Variants in CDKAL1 observed in about 807,000 individuals in gnomAD.
The protein encoded by CDKAL1 is CDKAL1 threonylcarbamoyladenosine tRNA methylthiotransferase.
A neutral mutation model predicts 68.2 loss-of-function variants in CDKAL1; 32 were observed. The ratio of observed to expected loss-of-function variants is 0.47; its 90% CI spans 0.35 to 0.63. The LOEUF is 0.63. CDKAL1 is among the 30% of genes least tolerant of loss of function. CDKAL1 has a pLI of 0.00. For synonymous variants in CDKAL1, 234 were observed against 244.3 expected, an observed-to-expected ratio of 0.96 and a Z score of 0.39; for missense variants, 606 against 696.7, an observed-to-expected ratio of 0.87 and a Z score of 1.47.
chr6:21,047,809 C>G (rs1216066996), intron 11 of CDKAL1, among the ~76,000 whole-genome samples: 1 of 152,166 alleles, frequency 6.6e-6, no homozygotes, highest in Non-Finnish European at 1.5e-5. Context: ...AAAATTTCAT[C>G]AGAGAGGTGG....
At chr6:20,802,189 T>C (rs1221127204) in intron 8 of CDKAL1, among the ~76,000 whole-genome samples, 1 of 151,738 alleles carries the variant, frequency 6.6e-6, no homozygotes, top group Non-Finnish European at 1.5e-5. Flanking sequence ...TCCCAGCTAC[T>C]CGGGAGGCTG....
At chr6:21,117,075 C>T (rs1228711459) in intron 13 of CDKAL1, among the ~76,000 whole-genome samples, 3 of 152,064 alleles carry the variant, frequency 2.0e-5, no homozygotes, top group Non-Finnish European at 2.9e-5. Context: ...TCTCTCTTGA[C>T]GATGTCAGAG....
At chr6:20,820,330 C>A (rs146091258) in intron 8 of CDKAL1, among the ~76,000 whole-genome samples, 12 of 152,284 alleles carry the variant, frequency 7.9e-5, no homozygotes, top group African/African-American at 2.9e-4. Context: ...ACTTAATGAA[C>A]ACCTATACTG....
intron 4 of CDKAL1, among the ~76,000 whole-genome samples, chr6:20,584,118 G>A (rs1045996523): frequency 2.0e-5 from 3 of 151,136 alleles, no homozygotes; most frequent in African/African-American, 7.3e-5. Flanking sequence ...TTACTCTTAG[G>A]AAGGGGCTTA....
intron 7 of CDKAL1, among the ~76,000 whole-genome samples, chr6:20,772,312 C>A (rs1266202746): frequency 6.6e-6 from 1 of 152,060 alleles, no homozygotes; most frequent in Non-Finnish European, 1.5e-5. Flanking sequence ...CAGCTAATGA[C>A]CTGAAGAGTT....
chr6:20,597,952 T>C (rs975033125), intron 4 of CDKAL1, among the ~76,000 whole-genome samples: 1 of 152,202 alleles, frequency 6.6e-6, no homozygotes, highest in Admixed American at 6.5e-5. Context: ...TGGTGATCAT[T>C]AAGTTTCCAC....
intron 4 of CDKAL1, among the ~76,000 whole-genome samples, chr6:20,591,186 C>T (rs1765576786): frequency 6.6e-6 from 1 of 152,086 alleles, no homozygotes; most frequent in Admixed American, 6.5e-5. Context: ...TATTCTTCGC[C>T]CACTTTTTGA....
intron 3 of CDKAL1, among the ~76,000 whole-genome samples, chr6:20,546,762 C>T (rs1358804881): frequency 6.6e-6 from 1 of 152,076 alleles, no homozygotes; most frequent in East Asian, 1.9e-4. Flanking sequence ...CCATGTTGGC[C>T]AGGCTGGTCT....
intron 9 of CDKAL1, among the ~76,000 whole-genome samples, chr6:20,939,422 A>G (rs1763872180): frequency 6.6e-6 from 1 of 152,238 alleles, no homozygotes; most frequent in African/African-American, 2.4e-5. Flanking sequence ...TACAGAATGA[A>G]AATGTATTTC....
chr6:20,599,475 TACTC>T (rs1481332678), intron 4 of CDKAL1: 5 of 365,566 alleles, frequency 1.4e-5, no homozygotes, highest in African/African-American at 8.3e-5. Context: ...TATGCAAACT[TACTC>T]ATTCATGCAA....
intron 4 of CDKAL1, among the ~76,000 whole-genome samples, chr6:20,550,991 G>T (rs1009637968): frequency 1.3e-5 from 2 of 148,870 alleles, no homozygotes; most frequent in Non-Finnish European, 3.0e-5. Context: ...TCAGCCTCCC[G>T]AGTAGCTGGG....
intron 4 of CDKAL1, among the ~76,000 whole-genome samples, chr6:20,555,434 C>G (rs150886583): frequency 0.017 from 2,624 of 152,088 alleles, 82 homozygotes; most frequent in African/African-American, 0.06. Flanking sequence ...AATTCTCCTG[C>G]CTCAGCCTCC....
chr6:20,951,844 TA>T (rs554335313), intron 9 of CDKAL1, among the ~76,000 whole-genome samples: 1 of 152,286 alleles, frequency 6.6e-6, no homozygotes, highest in Admixed American at 6.5e-5. Flanking sequence ...CCTACTTTCC[TA>T]CCCCACCACT....
chr6:21,026,218 A>G (rs987965266), intron 11 of CDKAL1, among the ~76,000 whole-genome samples: 1 of 152,150 alleles, frequency 6.6e-6, no homozygotes, highest in Admixed American at 6.6e-5. Context: ...ACATTAGATA[A>G]TACAAACCTG....
chr6:20,558,888 C>T, intron 4 of CDKAL1: 1 of 296,282 alleles, frequency 3.4e-6, no homozygotes, highest in Non-Finnish European at 6.6e-6. Context: ...CTCGGCCTCC[C>T]AAAGTGCTGG....
intron 4 of CDKAL1, among the ~76,000 whole-genome samples, chr6:20,596,612 G>C (rs1006403115): frequency 3.3e-5 from 5 of 152,182 alleles, no homozygotes; most frequent in Admixed American, 2.0e-4. Flanking sequence ...GTGGGAGTGG[G>C]ATCTGCTGAG....
rs1769498206 is a variant in CDKAL1 at position 20,665,636 on chromosome 6, T to G, written c.371+16259T>G. On this transcript the variant is annotated intron_variant, in intron 5 of 15. Transcript: ENST00000274695. ...GAAACTGTACAAGAAATACTTAAAATAAGTCCTCACTTAATGTCAATGATA... is the reference window on the plus strand; with the variant it reads ...GAAACTGTACAAGAAATACTTAAAAGAAGTCCTCACTTAATGTCAATGATA... 2.0e-5 allele frequency among the ~76,000 whole-genome samples: 3 copies of G among 151,774 alleles called. 1 individual carries two copies. Among genetic ancestry groups the G allele is most frequent in the South Asian group, 4.2e-4 (2 of 4,808 alleles).
At chr6:20,988,151 G>A (rs1766577811) in intron 10 of CDKAL1, among the ~76,000 whole-genome samples, 1 of 147,112 alleles carries the variant, frequency 6.8e-6, no homozygotes, top group Non-Finnish European at 1.5e-5. Flanking sequence ...TGCATCAGTG[G>A]ATTAATCAAA....
At chr6:20,794,712 G>A (rs1049862141) in intron 8 of CDKAL1, among the ~76,000 whole-genome samples, 7 of 152,030 alleles carry the variant, frequency 4.6e-5, no homozygotes, top group African/African-American at 1.7e-4. Context: ...ACTAATGTCC[G>A]AAAGTTTGGT....
Sources: allele counts gnomAD v4.1 joint callset (sites outside exome capture counted in the v4.1 genomes callset), GRCh38; gene constraint gnomAD v4.1.1; transcripts MANE v1.5; gene names NCBI Gene and HGNC (gene_info 2026-07-23, HGNC 2026-07-21).